Variants in HS3ST6 observed in about 807,000 individuals in gnomAD.
The protein encoded by HS3ST6 is heparan sulfate-glucosamine 3-sulfotransferase 6.
HS3ST6 carries 13 observed loss-of-function variants against 11.0 expected under a neutral mutation model. The observed-to-expected ratio is 1.18, with a 90% confidence interval of 0.77 to 1.88. HS3ST6 has a LOEUF of 1.88. HS3ST6 is among the 40% of genes most tolerant of loss of function. The probability of loss-of-function intolerance (pLI) is 0.00; values close to 1 mark genes in which losing one functional copy is unlikely to be tolerated. For synonymous variants in HS3ST6, 232 were observed against 230.6 expected, an observed-to-expected ratio of 1.01 and a Z score of -0.06; for missense variants, 541 against 494.4, an observed-to-expected ratio of 1.09 and a Z score of -0.89.
Position 1,911,648 on chromosome 16 carries a change from T to G in HS3ST6, c.971A>C (p.Tyr324Ser). ...GTAGAACCTGCGGTTGAAGGGCCGGTAGAACTCCTGCAGGCGCCGGACCAG... is the reference window on the plus strand; with the variant it reads ...GTAGAACCTGCGGTTGAAGGGCCGGGAGAACTCCTGCAGGCGCCGGACCAG... ...QALVRRLQEF[Y>S]RPFNRRFYQM... Residue 324 changes from tyrosine (Y) to serine (S), a missense_variant, in exon 2 of 2, where the codon TAC becomes TCC. Tyr to Ser is a moderately radical substitution (Grantham distance 144, BLOSUM62 -2). Transcript: ENST00000454677. 1 of 1,610,092 alleles carries G rather than the reference T, an allele frequency of 6.2e-7. No individual in the cohort carries two copies.
Position 1,911,750 on chromosome 16 carries a change from T to C in HS3ST6, c.869A>G (p.Lys290Arg). ...FNATKGFPCL[K>R]KAQGGSRPRC... ...GGGACGGCTGCCGCCCTGGGCCTTCTTGAGGCAGGGGAAGCCCTTGGTGGC... is the reference window on the plus strand; with the variant it reads ...GGGACGGCTGCCGCCCTGGGCCTTCCTGAGGCAGGGGAAGCCCTTGGTGGC... Residue 290 changes from lysine to arginine, a missense_variant, in exon 2 of 2, where the codon AAG becomes AGG. Lys to Arg is a conservative substitution (Grantham distance 26). Transcript: ENST00000454677. 6.2e-7 allele frequency: 1 copy of C among 1,613,668 alleles called. No homozygotes were observed. The highest frequency in any genetic ancestry group is 8.5e-7 in the Non-Finnish European group (1 of 1,179,764).
chr16:1,918,352 G>C lies in HS3ST6; in HGVS notation c.-29C>G. The C allele has an allele frequency of 3.4e-6, 1 of 292,078 alleles. No individual in the cohort carries two copies. The highest frequency in any genetic ancestry group is 5.1e-6 in the Non-Finnish European group (1 of 195,118). The allele number at this position is 292,078 out of a possible 1,614,324, so 18.1% of individuals were successfully genotyped here. ...GTCGCGCCGCTCCAGGCCCGGGAGC[G>C]GGGGCAGCAGGCGGGCGCGCATCTC... On this transcript the variant is annotated 5_prime_UTR_variant, in exon 1 of 2. Coordinates refer to ENST00000454677, the MANE Select transcript of HS3ST6 (RefSeq NM_001009606.4). This position sits in a 1 kb window ranked among gnomAD's most constrained non-coding sequence, Gnocchi z 6.0.
At position 1,911,725 on chromosome 16, in the gene HS3ST6, G is replaced by A; in HGVS notation, c.894C>T (p.Pro298=). ...GGCCCTTGGACTTGCCCAGGCAGCG[G>A]GGACGGCTGCCGCCCTGGGCCTTCT... is the stretch of plus-strand genomic sequence containing the variant. ...CLKKAQGGSR[P]RCLGKSKGRP... is the part of the protein sequence containing the mutation. Residue 298 remains proline (P), a synonymous_variant, in exon 2 of 2, where the codon CCC becomes CCT. Coordinates refer to ENST00000454677, the MANE Select transcript of HS3ST6 (RefSeq NM_001009606.4). The A allele has an allele frequency of 6.2e-7, 1 of 1,612,980 alleles. No individual in the cohort carries two copies. Among genetic ancestry groups the A allele is most frequent in the Non-Finnish European group, 8.5e-7 (1 of 1,179,436 alleles).
At chr16:1,914,511 TC>T (rs1353617187) in intron 1 of HS3ST6, among the ~76,000 whole-genome samples, 7 of 152,044 alleles carry the variant, frequency 4.6e-5, no homozygotes, top group Non-Finnish European at 8.8e-5. Flanking sequence ...GGCCCTTCCC[TC>T]CCGTCTCGGG....
In HS3ST6 at chr16:1,918,337, T is replaced by TC. The variant is rs35031350; in HGVS notation, c.-15dup. ...GCTACCTGCCATGGGGTCGCGCCGC[T>TC]CCAGGCCCGGGAGCGGGGGCAGCAG... On this transcript the variant is annotated 5_prime_UTR_variant, in exon 1 of 2. Transcript: ENST00000454677. This position sits in a 1 kb window ranked among gnomAD's most constrained non-coding sequence, Gnocchi z 6.0. The TC allele has an allele frequency of 1, 382,468 of 382,552 alleles. 191,192 individuals carry two copies. Among genetic ancestry groups the TC allele is most frequent in the Middle Eastern group, 1 (772 of 772 alleles). The allele number at this position is 382,552 out of a possible 1,614,324, so 23.7% of individuals were successfully genotyped here.
At position 1,918,400 on chromosome 16, in the gene HS3ST6, T is replaced by C; in HGVS notation, c.-77A>G. Reference sequence around the variant, plus strand: ...CTCGGCCCGCGCGCCGCTCAGTCCGTGGGTGCCCGGCTTGTGCTCTGCGCC... The same window carrying C: ...CTCGGCCCGCGCGCCGCTCAGTCCGCGGGTGCCCGGCTTGTGCTCTGCGCC... On this transcript the variant is annotated 5_prime_UTR_variant, in exon 1 of 2. Transcript: ENST00000454677. This position sits in a 1 kb window ranked among gnomAD's most constrained non-coding sequence, Gnocchi z 6.0. 5.5e-6 allele frequency: 1 copy of C among 180,486 alleles called. No homozygotes were observed. 11.2% of individuals were successfully genotyped at this position (180,486 alleles called of 1,614,324 possible). A position where few individuals can be genotyped will look rare whatever the true frequency, so the allele number is the denominator to read the frequency against.
At position 1,911,653 on chromosome 16, in the gene HS3ST6, C is replaced by T. The variant is rs931072261; in HGVS notation, c.966G>A (p.Glu322=). 1.2e-6 allele frequency: 2 copies of T among 1,610,308 alleles called. No individual in the cohort carries two copies. Among genetic ancestry groups the T allele is most frequent in the Admixed American group, 1.7e-5 (1 of 59,422 alleles). Residue 322 remains glutamate (E), a synonymous_variant, in exon 2 of 2, where the codon GAG becomes GAA. Coordinates refer to ENST00000454677, the MANE Select transcript of HS3ST6 (RefSeq NM_001009606.4). ...VPQALVRRLQ[E]FYRPFNRRFY... is the part of the protein sequence containing the mutation. ...ACCTGCGGTTGAAGGGCCGGTAGAACTCCTGCAGGCGCCGGACCAGGGCCT... is the reference window on the plus strand; with the variant it reads ...ACCTGCGGTTGAAGGGCCGGTAGAATTCCTGCAGGCGCCGGACCAGGGCCT...
Position 1,912,039 on chromosome 16 carries a change from T to G in HS3ST6, c.580A>C (p.Thr194Pro). The part of the protein sequence containing the change: ...VTRAISDYAQ[T>P]LSKTPGLPSF... Reference sequence around the variant, plus strand: ...GGCAGGCCCGGGGTCTTGGAGAGCGTCTGGGCGTAGTCGGAGATGGCCCGG... The same window carrying G: ...GGCAGGCCCGGGGTCTTGGAGAGCGGCTGGGCGTAGTCGGAGATGGCCCGG... The change falls in exon 2 of 2, where the codon ACG becomes CCG. Residue 194 changes from threonine (T) to proline (P), a missense_variant. By Grantham distance (38) the Thr-to-Pro change is conservative. Transcript: ENST00000454677. The surrounding 1 kb of genome is among the most constrained non-coding windows in gnomAD (Gnocchi z 5.6). 1 of 1,520,810 alleles carries G rather than the reference T, an allele frequency of 6.6e-7. No homozygotes were observed. The highest frequency in any genetic ancestry group is 1.4e-5 in the African/African-American group (1 of 71,620). 94.2% of individuals were successfully genotyped at this position (1,520,810 alleles called of 1,614,324 possible).
upstream of HS3ST6, among the ~76,000 whole-genome samples, chr16:1,918,629 G>T (rs963919557): frequency 6.6e-6 from 1 of 152,018 alleles, no homozygotes; most frequent in Non-Finnish European, 1.5e-5. This position sits in a 1 kb window ranked among gnomAD's most constrained non-coding sequence, Gnocchi z 6.0. Flanking sequence ...GCCCTGGCTC[G>T]CTTGACTCCG....
At chr16:1,918,629 G>A (rs963919557), upstream of HS3ST6, among the ~76,000 whole-genome samples, 6 of 152,018 alleles carry the variant, frequency 3.9e-5, no homozygotes, top group Admixed American at 3.3e-4. This position sits in a 1 kb window ranked among gnomAD's most constrained non-coding sequence, Gnocchi z 6.0. Flanking sequence ...GCCCTGGCTC[G>A]CTTGACTCCG....
chr16:1,920,757 C>T (rs932204230), upstream of HS3ST6, among the ~76,000 whole-genome samples: 2 of 152,176 alleles, frequency 1.3e-5, no homozygotes, highest in Admixed American at 6.5e-5. Flanking sequence ...ACCCCTCCCT[C>T]CATCAGGCAC....
chr16:1,912,261 C>A lies in HS3ST6; in HGVS notation c.414-56G>T. On this transcript the variant is annotated intron_variant, in intron 1 of 1. Transcript: ENST00000454677. The surrounding 1 kb of genome is among the most constrained non-coding windows in gnomAD (Gnocchi z 5.6). ...GAGCCTCCCCAGCCCTAGACCGGCCCCCAGGGGCCCGGGACCAAGGCCCCC... is the reference window on the plus strand; with the variant it reads ...GAGCCTCCCCAGCCCTAGACCGGCCACCAGGGGCCCGGGACCAAGGCCCCC... 7.7e-7 allele frequency: 1 copy of A among 1,291,404 alleles called. No homozygotes were observed. Among genetic ancestry groups the A allele is most frequent in the African/African-American group, 1.5e-5 (1 of 65,162 alleles). 80.0% of individuals were successfully genotyped at this position (1,291,404 alleles called of 1,614,324 possible). A position where few individuals can be genotyped will look rare whatever the true frequency, so the allele number is the denominator to read the frequency against.
At position 1,912,939 on chromosome 16, in the gene HS3ST6, C is replaced by G. The variant is rs2082900935; in HGVS notation, c.414-734G>C. 6.6e-6 allele frequency among the ~76,000 whole-genome samples: 1 copy of G among 151,970 alleles called. No individual in the cohort carries two copies. Among genetic ancestry groups the G allele is most frequent in the Non-Finnish European group, 1.5e-5 (1 of 67,998 alleles). ...CCGGAGTAGCTGGGATTACAGGTGC[C>G]CGCCACCACACCCAGCTAATTTTTG... On this transcript the variant is annotated intron_variant, in intron 1 of 1. Transcript: ENST00000454677. This position sits in a 1 kb window ranked among gnomAD's most constrained non-coding sequence, Gnocchi z 5.6.
chr16:1,913,413 C>T (rs2082905117), intron 1 of HS3ST6, among the ~76,000 whole-genome samples: 1 of 152,196 alleles, frequency 6.6e-6, no homozygotes, highest in African/African-American at 2.4e-5. Context: ...GCAGAGAGCC[C>T]ATTCTGGGTG....
intron 1 of HS3ST6, among the ~76,000 whole-genome samples, chr16:1,913,849 G>A (rs895766110): frequency 2.0e-5 from 3 of 152,172 alleles, no homozygotes; most frequent in East Asian, 1.9e-4. Flanking sequence ...GGTGGAGAGC[G>A]CTGGAGGTGG....
chr16:1,911,728 A>T lies in HS3ST6; in HGVS notation c.891T>A (p.Arg297=), dbSNP rs772592396. The change falls in exon 2 of 2, where the codon CGT becomes CGA. Residue 297 remains arginine, a synonymous_variant. Transcript: ENST00000454677. Reference sequence around the variant, plus strand: ...CCTTGGACTTGCCCAGGCAGCGGGGACGGCTGCCGCCCTGGGCCTTCTTGA... The same window carrying T: ...CCTTGGACTTGCCCAGGCAGCGGGGTCGGCTGCCGCCCTGGGCCTTCTTGA... ...PCLKKAQGGS[R]PRCLGKSKGR... is the part of the protein sequence containing the mutation. 6 of 1,612,756 alleles carry T rather than the reference A, an allele frequency of 3.7e-6. No homozygotes were observed. Among genetic ancestry groups the T allele is most frequent in the Non-Finnish European group, 5.1e-6 (6 of 1,179,396 alleles).
At position 1,912,125 on chromosome 16, in the gene HS3ST6, CG is replaced by C. The variant is rs1205755250; in HGVS notation, c.493del (p.Arg165AlafsTer12). The C allele has an allele frequency of 4.0e-6, 6 of 1,499,252 alleles. No individual in the cohort carries two copies. The highest frequency in any genetic ancestry group is 1.4e-5 in the South Asian group (1 of 72,840). 92.9% of individuals were successfully genotyped at this position (1,499,252 alleles called of 1,614,324 possible). A position where few individuals can be genotyped will look rare whatever the true frequency, so the allele number is the denominator to read the frequency against. ...GTCCGGGGACATGGCGTGGATGCGG[CG>C]GGGGGCCTCTCGCGTCACGAAGTAG... The part of the protein sequence containing the change: ...PSYFVTREAP[R>X]RIHAMSPDTK... On this transcript the variant is annotated frameshift_variant, in exon 2 of 2. Transcript: ENST00000454677. LOFTEE classifies it low-confidence loss of function (END_TRUNC). This position sits in a 1 kb window ranked among gnomAD's most constrained non-coding sequence, Gnocchi z 5.6.
chr16:1,916,746 T>TCTCCCCTCCTCCCCCGTCTCGCCA (rs1364290149), intron 1 of HS3ST6, among the ~76,000 whole-genome samples: 4 of 71,944 alleles, frequency 5.6e-5, no homozygotes, highest in African/African-American at 2.2e-4. Flanking sequence ...CCCTCCCGCC[T>TCTCCCCTCCTCCCCCGTCTCGCCA]CTCCCCTCCT....
chr16:1,920,929 G>T (rs1461906274), upstream of HS3ST6, among the ~76,000 whole-genome samples: 4 of 152,208 alleles, frequency 2.6e-5, no homozygotes, highest in Non-Finnish European at 5.9e-5. Context: ...GGTCGGGAAG[G>T]CTTTCTGGAG....
Sources: allele counts gnomAD v4.1 joint callset (sites outside exome capture counted in the v4.1 genomes callset), GRCh38; gene constraint gnomAD v4.1.1; non-coding constraint Gnocchi (gnomAD v3.1); transcripts MANE v1.5; gene names NCBI Gene and HGNC (gene_info 2026-07-23, HGNC 2026-07-21).